The following TBC1D5 variants were observed in gnomAD, a reference collection of about 807,000 sequenced individuals.
TBC1D5 encodes TBC1 domain family member 5.
In TBC1D5, 75 loss-of-function variants were observed where a neutral mutation model predicts 100.3. The observed-to-expected ratio is 0.75, with a 90% CI of 0.62 to 0.91. The LOEUF is 0.91. Among genes scored for constraint, TBC1D5 ranks in the 40% least tolerant of loss-of-function variants. The probability of loss-of-function intolerance (pLI) is 0.00; values close to 1 mark genes in which losing one functional copy is unlikely to be tolerated. For synonymous variants in TBC1D5, 323 were observed against 325.6 expected (o/e 0.99, Z 0.09); for missense variants, 910 against 942.4 (o/e 0.97, Z 0.45).
At chr3:17,597,883 T>C (rs2060673828) in intron 2 of TBC1D5, among the ~76,000 whole-genome samples, 1 of 152,158 alleles carries the variant, frequency 6.6e-6, no homozygotes, top group South Asian at 2.1e-4. Flanking sequence ...TCTTCCCGTA[T>C]TACTCCTGAT....
chr3:17,729,016 TAAAA>T (rs34461809), intron 1 of TBC1D5, among the ~76,000 whole-genome samples: 1 of 29,604 alleles, frequency 3.4e-5, no homozygotes, highest in South Asian at 1.2e-3. Flanking sequence ...TGAAAATCAG[TAAAA>T]AAAAAAAAAA....
At chr3:17,285,389 T>C (rs1259842182) in intron 15 of TBC1D5, among the ~76,000 whole-genome samples, 1 of 149,352 alleles carries the variant, frequency 6.7e-6, no homozygotes, top group East Asian at 2.0e-4. Context: ...GCCTCCCGAG[T>C]AGCTGGGACT....
In TBC1D5 at chr3:17,289,432, T is replaced by C. The variant is rs543790201; in HGVS notation, c.1245+2463A>G. On this transcript the variant is annotated intron_variant, in intron 15 of 21. Coordinates refer to ENST00000253692, the Ensembl canonical transcript of TBC1D5. ...TCCTGCGTCAATTCAAAGTCAGTTCTTGACCATCCTGGCCAACATAGTGAA... is the reference window on the plus strand; with the variant it reads ...TCCTGCGTCAATTCAAAGTCAGTTCCTGACCATCCTGGCCAACATAGTGAA... Among the ~76,000 whole-genome samples the C allele has an allele frequency of 1.6e-3, 247 of 152,142 alleles. 2 individuals carry two copies. The highest frequency in any genetic ancestry group is 5.7e-3 in the African/African-American group (238 of 41,540).
intron 2 of TBC1D5, among the ~76,000 whole-genome samples, chr3:17,616,856 T>C (rs369955638): frequency 9.5e-4 from 144 of 152,326 alleles, no homozygotes; most frequent in African/African-American, 3.4e-3. Context: ...TGCCAGTCCG[T>C]GTCTTTTAAT....
At chr3:17,505,641 A>G (rs1215149582) in intron 3 of TBC1D5, among the ~76,000 whole-genome samples, 1 of 152,182 alleles carries the variant, frequency 6.6e-6, no homozygotes, top group Non-Finnish European at 1.5e-5. Context: ...CTATACCTGA[A>G]TTTTGATATT....
intron 3 of TBC1D5, among the ~76,000 whole-genome samples, chr3:17,450,542 G>T (rs2094901486): frequency 6.6e-6 from 1 of 152,108 alleles, no homozygotes; most frequent in Admixed American, 6.5e-5. Flanking sequence ...GAACATAAAT[G>T]ACCCGATAGA....
chr3:17,507,266 T>C (rs187103957), intron 3 of TBC1D5, among the ~76,000 whole-genome samples: 99 of 152,264 alleles, frequency 6.5e-4, no homozygotes, highest in African/African-American at 2.3e-3. Flanking sequence ...CACTGAGATA[T>C]TAAAATAACT....
intron 2 of TBC1D5, among the ~76,000 whole-genome samples, chr3:17,557,297 G>T (rs12185952): frequency 0.072 from 10,999 of 152,106 alleles, 809 homozygotes; most frequent in African/African-American, 0.19. Flanking sequence ...AAACCAAGAG[G>T]GATAGGCTCC....
At chr3:17,317,078 C>G (rs185738450) in intron 13 of TBC1D5, among the ~76,000 whole-genome samples, 1 of 152,168 alleles carries the variant, frequency 6.6e-6, no homozygotes, top group Non-Finnish European at 1.5e-5. Flanking sequence ...TCTGTGCCCC[C>G]TCCACGCTAA....
At chr3:17,613,116 ATGAG>A (rs1275575520) in intron 2 of TBC1D5, among the ~76,000 whole-genome samples, 4 of 152,016 alleles carry the variant, frequency 2.6e-5, no homozygotes, top group Admixed American at 2.6e-4. Flanking sequence ...ATTCCCACCT[ATGAG>A]TGAGAACATG....
intron 1 of TBC1D5, among the ~76,000 whole-genome samples, chr3:17,672,226 C>T (rs985863154): frequency 6.6e-6 from 1 of 152,074 alleles, no homozygotes; most frequent in African/African-American, 2.4e-5. Context: ...ATTAAATTAG[C>T]TGAACTGAAA....
chr3:17,381,811 TTTAAG>T (rs1341229773), intron 9 of TBC1D5, among the ~76,000 whole-genome samples: 1 of 152,064 alleles, frequency 6.6e-6, no homozygotes, highest in Non-Finnish European at 1.5e-5. Flanking sequence ...TTTTATATAC[TTTAAG>T]TTTTTATATT....
At chr3:17,185,269 G>C in intron 18 of TBC1D5, 61 bp from the exon 20 acceptor site, 1 of 1,438,316 alleles carries the variant, frequency 7.0e-7, no homozygotes, top group South Asian at 1.2e-5. Context: ...AATCTCCAAA[G>C]TTTTCTAAAT....
At chr3:17,233,798 T>C (rs914358462) in intron 17 of TBC1D5, 48 bp from the exon 18 acceptor site, 1 of 1,228,292 alleles carries the variant, frequency 8.1e-7, no homozygotes, top group Non-Finnish European at 1.2e-6. Flanking sequence ...AAGGAAATAA[T>C]CAACTTCACT....
At position 17,297,732 on chromosome 3, in the gene TBC1D5, G is replaced by A. The variant is rs973869221; in HGVS notation, c.1139-5731C>T. On this transcript the variant is annotated intron_variant, in intron 14 of 21. Transcript: ENST00000253692. The stretch of plus-strand genomic sequence containing the variant: ...CTAGTGGCTGGGACTATAGGCGTGT[G>A]CCATCATGCCTGGCTAATTCTTTTT... Among the ~76,000 whole-genome samples the A allele has an allele frequency of 2.0e-5, 3 of 151,418 alleles. No homozygotes were observed. In the East Asian group the frequency reaches 5.8e-4, roughly 29 times the overall value.
At chr3:17,581,684 T>C (rs965512428) in intron 2 of TBC1D5, among the ~76,000 whole-genome samples, 16 of 152,210 alleles carry the variant, frequency 1.1e-4, no homozygotes, top group African/African-American at 3.9e-4. Context: ...ATGATCTCTC[T>C]GCTTCTGCCC....
chr3:17,247,591 G>A (rs1299091990), intron 16 of TBC1D5, among the ~76,000 whole-genome samples: 1 of 152,102 alleles, frequency 6.6e-6, no homozygotes, highest in African/African-American at 2.4e-5. Flanking sequence ...GGGTGGTTGT[G>A]GCAATTTCTT....
chr3:17,438,714 G>T (rs953945007), intron 3 of TBC1D5, among the ~76,000 whole-genome samples: 1 of 152,032 alleles, frequency 6.6e-6, no homozygotes, highest in East Asian at 1.9e-4. Flanking sequence ...TATATAATTT[G>T]TCCTTCACTC....
At chr3:17,263,327 C>T (rs1299269056) in intron 15 of TBC1D5, among the ~76,000 whole-genome samples, 3 of 130,730 alleles carry the variant, frequency 2.3e-5, no homozygotes, top group African/African-American at 9.0e-5. Context: ...GATTGTGTCA[C>T]TGCACTCCAA....
Sources: allele counts gnomAD v4.1 joint callset (sites outside exome capture counted in the v4.1 genomes callset), GRCh38; gene constraint gnomAD v4.1.1; transcripts MANE v1.5; gene names NCBI Gene and HGNC (gene_info 2026-07-23, HGNC 2026-07-21).